Variants in GARRE1 observed in about 807,000 individuals in gnomAD.
GARRE1 encodes granule associated Rac and RHOG effector 1, also known as granule associated Rac and RHOG effector protein 1.
Under a neutral mutation model 103.2 loss-of-function variants are expected in GARRE1, and 49 were observed. That is an observed-to-expected ratio of 0.47 (90% CI 0.38 to 0.60). The LOEUF (loss-of-function observed/expected upper bound fraction) is 0.60, where lower values mean the gene tolerates loss of function less well. GARRE1 is among the 20% of genes least tolerant of loss of function. GARRE1 has a pLI of 0.00. For missense variants in GARRE1, 1,199 were observed against 1,370.5 expected (o/e 0.87, Z 1.98); for synonymous variants, 505 against 532.8 (o/e 0.95, Z 0.72).
intron 1 of GARRE1, among the ~76,000 whole-genome samples, chr19:34,294,631 T>TG (rs1396574036): frequency 6.6e-6 from 1 of 151,640 alleles, no homozygotes; most frequent in Non-Finnish European, 1.5e-5. Context: ...CTATTGTTGT[T>TG]TTTTCCCTTT....
chr19:34,350,605 G>C (rs191040461), intron 12 of GARRE1, among the ~76,000 whole-genome samples: 1 of 151,906 alleles, frequency 6.6e-6, no homozygotes, highest in African/African-American at 2.4e-5. Context: ...TTTTTGAGAC[G>C]GAGTCTCGCT....
At chr19:34,267,690 A>G (rs568931836) in intron 1 of GARRE1, among the ~76,000 whole-genome samples, 90 of 151,690 alleles carry the variant, frequency 5.9e-4, no homozygotes, top group Non-Finnish European at 9.9e-4. Context: ...ACAAAAATAA[A>G]CCGCAGGTTT....
At chr19:34,273,389 T>G (rs2073799342) in intron 1 of GARRE1, among the ~76,000 whole-genome samples, 3 of 152,186 alleles carry the variant, frequency 2.0e-5, no homozygotes, top group Admixed American at 2.0e-4. Flanking sequence ...ACGTGGCATG[T>G]CTTCACTAGC....
chr19:34,323,724 C>G (rs907346626), intron 3 of GARRE1, among the ~76,000 whole-genome samples: 1 of 152,150 alleles, frequency 6.6e-6, no homozygotes, highest in East Asian at 1.9e-4. Flanking sequence ...AGCTCACACA[C>G]GTGAACCTAA....
intron 12 of GARRE1, among the ~76,000 whole-genome samples, chr19:34,350,712 GC>G (rs2074232142): frequency 1.3e-5 from 2 of 152,026 alleles, no homozygotes; most frequent in African/African-American, 2.4e-5. Context: ...CTCCCAAGTA[GC>G]TGGGACTACA....
chr19:34,311,540 G>A (rs557788666), intron 2 of GARRE1, among the ~76,000 whole-genome samples: 12 of 152,230 alleles, frequency 7.9e-5, no homozygotes, highest in East Asian at 3.9e-4. Flanking sequence ...ATGCCCTGGC[G>A]TCTCCATTCC....
chr19:34,316,971 C>T (rs903299053), intron 2 of GARRE1, among the ~76,000 whole-genome samples: 9 of 152,206 alleles, frequency 5.9e-5, no homozygotes, highest in African/African-American at 2.2e-4. Context: ...CTTACTGCCA[C>T]CCCACAGCAA....
chr19:34,341,729 A>G lies in GARRE1; in HGVS notation c.1795A>G (p.Arg599Gly). The G allele has an allele frequency of 6.2e-7, 1 of 1,614,248 alleles. No individual in the cohort carries two copies. The highest frequency in any genetic ancestry group is 1.1e-5 in the South Asian group (1 of 91,086). ...CATTTTGAACATTGGTAATTTCCCC[A>G]GGACTACAGACCCTTCACAGTCAGC... ...QSILNIGNFP[R>G]TTDPSQSAQN... The change falls in exon 10 of 14, where the codon AGG (arginine) becomes GGG (glycine). Residue 599 changes from arginine (R) to glycine (G), a missense_variant. By Grantham distance (125) the Arg-to-Gly change is moderately radical. Transcript: ENST00000299505.
chr19:34,327,725 A>G (rs757513384), intron 4 of GARRE1, 46 bp from the exon 5 acceptor site: 1 of 1,557,670 alleles, frequency 6.4e-7, no homozygotes, highest in South Asian at 1.1e-5. Flanking sequence ...TTGTCATCTT[A>G]TAATTTGCTT....
chr19:34,280,932 G>T (rs1269865044), intron 1 of GARRE1, among the ~76,000 whole-genome samples: 1 of 139,588 alleles, frequency 7.2e-6, no homozygotes, highest in Non-Finnish European at 1.6e-5. Flanking sequence ...ATTCCAGTAG[G>T]TTTTTTTTTT....
At chr19:34,320,865 G>A (rs1366774895) in intron 3 of GARRE1, among the ~76,000 whole-genome samples, 1 of 150,094 alleles carries the variant, frequency 6.7e-6, no homozygotes, top group Non-Finnish European at 1.5e-5. Context: ...TGGGACTACA[G>A]GCTCATGCCA....
intron 1 of GARRE1, among the ~76,000 whole-genome samples, chr19:34,288,551 C>T (rs557674667): frequency 2.6e-5 from 4 of 152,262 alleles, no homozygotes; most frequent in South Asian, 4.1e-4. Context: ...AGGGCTTGCC[C>T]GCTAGTCTGT....
chr19:34,321,101 A>C (rs943088531), intron 3 of GARRE1, among the ~76,000 whole-genome samples: 1 of 120,770 alleles, frequency 8.3e-6, no homozygotes, highest in African/African-American at 3.0e-5. Flanking sequence ...CTGTCCCCCA[A>C]GCTGGAGTGC....
At chr19:34,328,582 T>C (rs2074123520) in intron 6 of GARRE1, among the ~76,000 whole-genome samples, 2 of 152,056 alleles carry the variant, frequency 1.3e-5, no homozygotes, top group African/African-American at 4.8e-5. Flanking sequence ...AATCAGACAT[T>C]TGCCAAGCAA....
At chr19:34,254,864 C>T (rs1365649030) in intron 1 of GARRE1, among the ~76,000 whole-genome samples, 2 of 150,428 alleles carry the variant, frequency 1.3e-5, no homozygotes, top group Non-Finnish European at 3.0e-5. Context: ...GGCGCGAACC[C>T]GGGACCTGGG....
intron 2 of GARRE1, among the ~76,000 whole-genome samples, chr19:34,311,374 G>T (rs114163744): frequency 6.6e-6 from 1 of 152,074 alleles, no homozygotes; most frequent in East Asian, 1.9e-4. Context: ...CTCCTTAAGG[G>T]GAAATTGGTG....
At chr19:34,258,366 C>G (rs1403595696) in intron 1 of GARRE1, among the ~76,000 whole-genome samples, 2 of 152,190 alleles carry the variant, frequency 1.3e-5, no homozygotes, top group Non-Finnish European at 2.9e-5. Context: ...AGAACCACCT[C>G]ATTTCCTTAC....
intron 2 of GARRE1, among the ~76,000 whole-genome samples, chr19:34,304,306 G>A (rs937441912): frequency 1.3e-5 from 2 of 149,538 alleles, no homozygotes; most frequent in African/African-American, 5.0e-5. Flanking sequence ...GGCCAGGCTG[G>A]TCTCAAACTC....
intron 8 of GARRE1, among the ~76,000 whole-genome samples, chr19:34,336,633 A>G (rs2074162465): frequency 6.6e-6 from 1 of 152,026 alleles, no homozygotes; most frequent in Non-Finnish European, 1.5e-5. Flanking sequence ...ATGCCCAGCT[A>G]ATAACTTTTG....
Sources: gnomAD v4.1 joint callset for allele counts (sites outside exome capture counted in the v4.1 genomes callset) on GRCh38, gnomAD v4.1.1 for gene constraint, MANE v1.5 for transcripts, NCBI Gene and HGNC (gene_info 2026-07-23, HGNC 2026-07-21) for gene names.